The following TFCP2 variants were observed in gnomAD, a reference collection of about 807,000 sequenced individuals.
TFCP2 encodes the protein transcription factor CP2.
A neutral mutation model predicts 73.4 loss-of-function variants in TFCP2; 33 were observed. The ratio of observed to expected loss-of-function variants is 0.45; its 90% CI spans 0.34 to 0.60. TFCP2 has a LOEUF of 0.60. Ranked by LOEUF, TFCP2 falls within the 20% of genes least tolerant of loss-of-function variation. TFCP2 has a pLI of 0.01. For synonymous variants in TFCP2, 193 were observed against 211.6 expected (o/e 0.91, Z 0.76); for missense variants, 352 against 604.0 (o/e 0.58, Z 4.37).
chr12:51,122,829 CA>C (rs1016337096), intron 1 of TFCP2, among the ~76,000 whole-genome samples: 42 of 152,272 alleles, frequency 2.8e-4, no homozygotes, highest in African/African-American at 9.6e-4. Context: ...GCTCTCCTAA[CA>C]AAAAGTATAG....
chr12:51,129,188 T>C (rs907889792), intron 1 of TFCP2, among the ~76,000 whole-genome samples: 20 of 152,014 alleles, frequency 1.3e-4, no homozygotes, highest in Admixed American at 3.3e-4. Flanking sequence ...ATATACTTAG[T>C]TCTGAGTGTA....
intron 1 of TFCP2, among the ~76,000 whole-genome samples, chr12:51,123,260 C>A (rs1256067432): frequency 6.6e-6 from 1 of 152,212 alleles, no homozygotes; most frequent in Non-Finnish European, 1.5e-5. Flanking sequence ...GATCTATAAA[C>A]CCCAAACATA....
intron 1 of TFCP2, among the ~76,000 whole-genome samples, chr12:51,119,927 C>T (rs762031123): frequency 1.3e-5 from 2 of 151,858 alleles, no homozygotes; most frequent in Non-Finnish European, 2.9e-5. Flanking sequence ...GCCTGTAATC[C>T]CAGCACTTCG....
At chr12:51,136,117 C>A (rs1941054680) in intron 1 of TFCP2, among the ~76,000 whole-genome samples, 1 of 151,736 alleles carries the variant, frequency 6.6e-6, no homozygotes, top group South Asian at 2.1e-4. Context: ...CCAGCCTGGC[C>A]AACATAGTGA....
chr12:51,166,546 C>T (rs1373553485), intron 1 of TFCP2, among the ~76,000 whole-genome samples: 1 of 152,064 alleles, frequency 6.6e-6, no homozygotes, highest in East Asian at 1.9e-4. Flanking sequence ...TGCATGAGTG[C>T]CCAAAAAGTG....
At chr12:51,128,459 AAAACTT>A (rs1455907370) in intron 1 of TFCP2, among the ~76,000 whole-genome samples, 10 of 144,822 alleles carry the variant, frequency 6.9e-5, no homozygotes, top group Admixed American at 1.5e-4. Context: ...CATGTACCCT[AAAACTT>A]AAAGTATAAT....
At chr12:51,156,524 T>A (rs1941540641) in intron 1 of TFCP2, among the ~76,000 whole-genome samples, 1 of 152,198 alleles carries the variant, frequency 6.6e-6, no homozygotes, top group Non-Finnish European at 1.5e-5. Context: ...AACTTGCGAT[T>A]TGGAGGGACA....
chr12:51,171,778 T>C (rs1340653740), intron 1 of TFCP2, among the ~76,000 whole-genome samples: 2 of 152,218 alleles, frequency 1.3e-5, no homozygotes, highest in Admixed American at 6.5e-5. Flanking sequence ...ACAGCTTATG[T>C]TTTAAAAGTC....
At chr12:51,116,499 A>C in intron 3 of TFCP2, 79 bp from the exon 4 acceptor site, 1 of 699,228 alleles carries the variant, frequency 1.4e-6, no homozygotes, top group East Asian at 2.8e-5. Context: ...AGCAGGATTC[A>C]CTGCCAGTTT....
intron 5 of TFCP2, 25 bp from the exon 6 acceptor site, chr12:51,109,298 T>C: frequency 1.9e-6 from 3 of 1,613,034 alleles, no homozygotes; most frequent in Non-Finnish European, 2.5e-6. Context: ...ACAGCAAGGC[T>C]TCAGTACCGC....
intron 7 of TFCP2, chr12:51,107,009 A>G (rs1291163260): frequency 3.4e-6 from 2 of 587,554 alleles, no homozygotes; most frequent in Non-Finnish European, 6.1e-6. Flanking sequence ...CAGCAAACCA[A>G]ACCAAACCAG....
intron 1 of TFCP2, among the ~76,000 whole-genome samples, chr12:51,156,657 A>C (rs1433666104): frequency 6.6e-6 from 1 of 152,250 alleles, no homozygotes; most frequent in East Asian, 1.9e-4. Flanking sequence ...AAATGTTGAT[A>C]GAATTCACCA....
chr12:51,101,328 T>G (rs2136961760), intron 11 of TFCP2, among the ~76,000 whole-genome samples: 1 of 151,968 alleles, frequency 6.6e-6, no homozygotes, highest in South Asian at 2.1e-4. Context: ...AAAAAGTAAT[T>G]CCCACCCACA....
At chr12:51,139,314 C>A (rs1303452634) in intron 1 of TFCP2, among the ~76,000 whole-genome samples, 2 of 152,054 alleles carry the variant, frequency 1.3e-5, no homozygotes, top group Admixed American at 1.3e-4. Flanking sequence ...CAAAACTGGG[C>A]CCAGTTTACC....
At chr12:51,127,184 G>T (rs1940835685) in intron 1 of TFCP2, among the ~76,000 whole-genome samples, 1 of 152,164 alleles carries the variant, frequency 6.6e-6, no homozygotes, top group Non-Finnish European at 1.5e-5. Context: ...AACCAAGACA[G>T]ATAGGCAGGC....
intron 1 of TFCP2, chr12:51,125,038 T>A (rs1184672722): frequency 1.3e-6 from 1 of 743,212 alleles, no homozygotes; most frequent in East Asian, 2.5e-5. Flanking sequence ...GACTTGAGGA[T>A]CTCGGTCGTG....
intron 1 of TFCP2, among the ~76,000 whole-genome samples, chr12:51,154,234 G>T (rs143662951): frequency 1.1e-3 from 173 of 152,194 alleles, no homozygotes; most frequent in Middle Eastern, 3.4e-3. Flanking sequence ...CTGATGGGGG[G>T]GATCCAAGAC....
chr12:51,138,172 C>G (rs888217773), intron 1 of TFCP2, among the ~76,000 whole-genome samples: 1 of 152,102 alleles, frequency 6.6e-6, no homozygotes, highest in Non-Finnish European at 1.5e-5. Flanking sequence ...GATGGAGTAG[C>G]ACTCTGTCGC....
intron 1 of TFCP2, among the ~76,000 whole-genome samples, chr12:51,135,055 A>T (rs1160765059): frequency 6.6e-6 from 1 of 151,648 alleles, no homozygotes; most frequent in Non-Finnish European, 1.5e-5. Context: ...GGCTGCAGTG[A>T]GCCGTGACTG....
Sources: allele counts gnomAD v4.1 joint callset (sites outside exome capture counted in the v4.1 genomes callset), GRCh38; gene constraint gnomAD v4.1.1; transcripts MANE v1.5; gene names NCBI Gene and HGNC (gene_info 2026-07-23, HGNC 2026-07-21).